ARHGAP22: variants seen among roughly 807,000 people sequenced by gnomAD.
ARHGAP22 encodes Rho GTPase activating protein 22.
A neutral mutation model predicts 59.1 loss-of-function variants in ARHGAP22; 48 were observed. The ratio of observed to expected loss-of-function variants is 0.81; its 90% CI spans 0.64 to 1.03. The LOEUF (loss-of-function observed/expected upper bound fraction) is 1.03, where lower values mean the gene tolerates loss of function less well. Among genes scored for constraint, ARHGAP22 ranks in the 50% least tolerant of loss-of-function variants. The pLI is 0.00. For missense variants in ARHGAP22, 1,015 were observed against 958.7 expected (o/e 1.06, Z -0.78); for synonymous variants, 445 against 416.4 (o/e 1.07, Z -0.84).
the ARHGAP22 span, chr10:48,439,428 T>G: frequency 1.3e-5 from 2 of 151,936 alleles, no homozygotes; most frequent in Non-Finnish European, 2.9e-5. Context: ...TTTAGGATTG[T>G]CCGTGGATTG....
chr10:48,568,033 A>T (rs2058158740), intron 2 of ARHGAP22, among the ~76,000 whole-genome samples: 1 of 152,196 alleles, frequency 6.6e-6, no homozygotes, highest in Admixed American at 6.5e-5. Context: ...TTAACTAATA[A>T]TGATGATTTC....
chr10:48,455,795 G>A (rs1475884602), intron 5 of ARHGAP22, among the ~76,000 whole-genome samples: 2 of 152,216 alleles, frequency 1.3e-5, no homozygotes, highest in Non-Finnish European at 2.9e-5. Context: ...CCACAATGCA[G>A]GGCTGCTGGC....
chr10:48,458,763 G>C (rs572747805), intron 5 of ARHGAP22, among the ~76,000 whole-genome samples: 2 of 152,332 alleles, frequency 1.3e-5, no homozygotes, highest in African/African-American at 2.4e-5. Context: ...TCAACACTGG[G>C]ATGGAGCTTC....
intron 3 of ARHGAP22, among the ~76,000 whole-genome samples, chr10:48,527,890 C>T (rs1443528603): frequency 6.6e-6 from 1 of 152,194 alleles, no homozygotes; most frequent in African/African-American, 2.4e-5. Flanking sequence ...GCCTCCAGCC[C>T]ACCACCAGGC....
chr10:48,441,451 ATTT>A (rs35254382), downstream of ARHGAP22, among the ~76,000 whole-genome samples: 2 of 131,958 alleles, frequency 1.5e-5, no homozygotes, highest in East Asian at 2.2e-4. Flanking sequence ...AACCAAAGGC[ATTT>A]TTTTTTTTTT....
intron 2 of ARHGAP22, among the ~76,000 whole-genome samples, chr10:48,580,817 T>C (rs1335352963): frequency 6.6e-6 from 1 of 152,048 alleles, no homozygotes; most frequent in African/African-American, 2.4e-5. Context: ...CAGATTTGAG[T>C]ATCCAGTGTG....
chr10:48,610,444 T>A (rs948131132), intron 1 of ARHGAP22, among the ~76,000 whole-genome samples: 1 of 152,002 alleles, frequency 6.6e-6, no homozygotes, highest in Non-Finnish European at 1.5e-5. Flanking sequence ...GTGGGAAAGG[T>A]GACTTAGGGG....
At chr10:48,577,690 T>C (rs1449164523) in intron 2 of ARHGAP22, among the ~76,000 whole-genome samples, 1 of 111,442 alleles carries the variant, frequency 9.0e-6, no homozygotes, top group East Asian at 8.7e-4. Context: ...AGGGCTCCCT[T>C]TTATTCTCAG....
At chr10:48,493,609 G>A in intron 3 of ARHGAP22, 1 of 1,465,740 alleles carries the variant, frequency 6.8e-7, no homozygotes, top group African/African-American at 1.4e-5. Context: ...CCACTCGGCT[G>A]CCTGTGTGCT....
chr10:48,469,199 C>A (rs1205426766), intron 4 of ARHGAP22, among the ~76,000 whole-genome samples: 2 of 152,250 alleles, frequency 1.3e-5, no homozygotes, highest in Admixed American at 1.3e-4. Flanking sequence ...CCCCACATGG[C>A]TAGAGGCCTG....
chr10:48,555,344 G>A lies in ARHGAP22; in HGVS notation c.322+119C>T, dbSNP rs373390172. On this transcript the variant is annotated intron_variant, in intron 3 of 9. Transcript: ENST00000249601. Reference sequence around the variant, plus strand: ...GATTTGGCCCACATTTCCGAGTCATGCCTGGAGACTGTGCTGTGGCTCCTG... The same window carrying A: ...GATTTGGCCCACATTTCCGAGTCATACCTGGAGACTGTGCTGTGGCTCCTG... 1.1e-5 allele frequency: 10 copies of A among 951,528 alleles called. No homozygotes were observed. The African/African-American group carries it at 1.5e-4, about 14-fold the overall frequency. 58.9% of individuals were successfully genotyped at this position (951,528 alleles called of 1,614,324 possible).
chr10:48,525,216 G>A (rs4450130), intron 3 of ARHGAP22, among the ~76,000 whole-genome samples: 36,853 of 152,162 alleles, frequency 0.24, 4,759 homozygotes, highest in African/African-American at 0.3. Flanking sequence ...GTCTATGGAA[G>A]GCTATTCATG....
intron 2 of ARHGAP22, among the ~76,000 whole-genome samples, chr10:48,568,720 C>G (rs1299818611): frequency 6.6e-6 from 1 of 152,244 alleles, no homozygotes; most frequent in Non-Finnish European, 1.5e-5. Flanking sequence ...AACAGCCTCT[C>G]CTGTTCCTCC....
chr10:48,462,245 G>A (rs917988640), intron 4 of ARHGAP22, among the ~76,000 whole-genome samples: 1 of 122,628 alleles, frequency 8.2e-6, no homozygotes, highest in African/African-American at 3.1e-5. Context: ...GCACACTTCG[G>A]GGTGGGGGGG....
At chr10:48,532,800 C>T (rs1323174085) in intron 3 of ARHGAP22, 1 of 152,114 alleles carries the variant, frequency 6.6e-6, no homozygotes, top group Non-Finnish European at 1.5e-5. Context: ...ATCCATGTCC[C>T]TACAAAGGAC....
At chr10:48,529,508 C>G (rs781500301) in intron 3 of ARHGAP22, among the ~76,000 whole-genome samples, 3 of 152,124 alleles carry the variant, frequency 2.0e-5, no homozygotes, top group Non-Finnish European at 4.4e-5. Flanking sequence ...GTGGAATTGT[C>G]CTGAGACTGT....
At chr10:48,544,165 T>C (rs1224618786) in intron 3 of ARHGAP22, among the ~76,000 whole-genome samples, 1 of 151,886 alleles carries the variant, frequency 6.6e-6, no homozygotes, top group Non-Finnish European at 1.5e-5. Context: ...GGGGAGAAAC[T>C]GTCCTGCCGT....
chr10:48,514,876 T>TA (rs947932733), intron 3 of ARHGAP22, among the ~76,000 whole-genome samples: 1 of 152,122 alleles, frequency 6.6e-6, no homozygotes, highest in Non-Finnish European at 1.5e-5. Flanking sequence ...ATCTGAACTA[T>TA]ATTGTTTTAA....
intron 1 of ARHGAP22, among the ~76,000 whole-genome samples, chr10:48,589,657 T>C (rs1460337978): frequency 6.6e-6 from 1 of 152,214 alleles, no homozygotes. Context: ...TACAGTCCCT[T>C]AGTTTCCAAA....
Sources: gnomAD v4.1 joint callset for allele counts (sites outside exome capture counted in the v4.1 genomes callset) on GRCh38, gnomAD v4.1.1 for gene constraint, MANE v1.5 for transcripts, NCBI Gene and HGNC (gene_info 2026-07-23, HGNC 2026-07-21) for gene names.